The following LIMS4 variants were observed in gnomAD, a reference collection of about 807,000 sequenced individuals.
LIMS4 encodes LIM zinc finger domain containing 4, also known as LIM and senescent cell antigen-like-containing domain protein 4.
At chr2:110,360,727 G>C in the LIMS4 span, 1 of 1,604,588 alleles carries the variant, frequency 6.2e-7, no homozygotes, top group Non-Finnish European at 8.5e-7. Context: ...CTTTCTGTCT[G>C]ACATGGCGCC....
the LIMS4 span, among the ~76,000 whole-genome samples, chr2:110,368,450 A>G: frequency 6.7e-6 from 1 of 149,436 alleles, no homozygotes; most frequent in Non-Finnish European, 1.5e-5. Flanking sequence ...ATATATATAG[A>G]AATACATAAA....
At chr2:110,360,823 T>C in the LIMS4 span, 1 of 1,453,022 alleles carries the variant, frequency 6.9e-7, no homozygotes, top group Non-Finnish European at 9.5e-7. Flanking sequence ...TGGCTGAGGT[T>C]CCTTTAACTT....
the LIMS4 span, among the ~76,000 whole-genome samples, chr2:110,415,106 GA>G: frequency 3.2e-5 from 4 of 124,268 alleles, 1 homozygote; most frequent in East Asian, 8.9e-4. Flanking sequence ...TTAGTCTTAG[GA>G]GGGTGTATGC....
At chr2:110,391,514 A>T in the LIMS4 span, among the ~76,000 whole-genome samples, 1 of 76,298 alleles carries the variant, frequency 1.3e-5, no homozygotes, top group Admixed American at 1.6e-4. Flanking sequence ...GGGTTCAGAG[A>T]GAGGAAAGGA....
chr2:110,379,071 A>C, the LIMS4 span, among the ~76,000 whole-genome samples: 1 of 147,854 alleles, frequency 6.8e-6, no homozygotes, highest in Non-Finnish European at 1.5e-5. Flanking sequence ...CCATGGTGGA[A>C]GTAACACAAA....
the LIMS4 span, among the ~76,000 whole-genome samples, chr2:110,385,364 A>C: frequency 3.0e-5 from 4 of 132,822 alleles, no homozygotes; most frequent in African/African-American, 6.5e-5. Flanking sequence ...CCTTTCTCAC[A>C]CTCTCCCCTT....
the LIMS4 span, among the ~76,000 whole-genome samples, chr2:110,366,247 A>C: frequency 1.3e-5 from 2 of 151,728 alleles, no homozygotes; most frequent in East Asian, 1.9e-4. Context: ...CAAAGAAAAA[A>C]CTACAGGCCA....
chr2:110,386,603 G>A, the LIMS4 span: 6 of 638,450 alleles, frequency 9.4e-6, no homozygotes, highest in Admixed American at 1.2e-4. Context: ...TAGGTGTGGT[G>A]CTCCAGCGCA....
At chr2:110,361,957 A>T in the LIMS4 span, 1 of 1,369,944 alleles carries the variant, frequency 7.3e-7, no homozygotes. Flanking sequence ...AGTACACAAC[A>T]TTGCAACGTA....
At chr2:110,367,366 G>C in the LIMS4 span, among the ~76,000 whole-genome samples, 1 of 144,654 alleles carries the variant, frequency 6.9e-6, no homozygotes, top group African/African-American at 2.8e-5. Flanking sequence ...GCATGGTATT[G>C]GTACAAAAAC....
the LIMS4 span, among the ~76,000 whole-genome samples, chr2:110,365,283 A>C: frequency 6.6e-6 from 1 of 150,442 alleles, no homozygotes; most frequent in South Asian, 2.1e-4. Context: ...CCACACAATC[A>C]GACAAAAAAC....
the LIMS4 span, among the ~76,000 whole-genome samples, chr2:110,381,978 A>G: frequency 1.5e-5 from 1 of 64,772 alleles, no homozygotes; most frequent in Non-Finnish European, 2.6e-5. Flanking sequence ...GAGGCAGGAG[A>G]ATCACTTAAA....
chr2:110,359,488 G>A, the LIMS4 span, among the ~76,000 whole-genome samples: 5 of 22,896 alleles, frequency 2.2e-4, no homozygotes, highest in African/African-American at 5.2e-4. Flanking sequence ...AACTAATCCC[G>A]TGTGGCTCAG....
the LIMS4 span, among the ~76,000 whole-genome samples, chr2:110,371,279 A>C: frequency 8.1e-6 from 1 of 123,474 alleles, no homozygotes; most frequent in African/African-American, 3.9e-5. Context: ...CATAATGATG[A>C]TTTTCATCTG....
chr2:110,390,708 G>A, the LIMS4 span, among the ~76,000 whole-genome samples: 1 of 149,806 alleles, frequency 6.7e-6, no homozygotes, highest in Non-Finnish European at 1.5e-5. Context: ...GGGAGTGAGG[G>A]GCTCCAGATC....
chr2:110,390,539 G>GCCA, the LIMS4 span, among the ~76,000 whole-genome samples: 3 of 142,034 alleles, frequency 2.1e-5, no homozygotes, highest in Non-Finnish European at 3.0e-5. Context: ...GCAAGCTCTG[G>GCCA]CCACCAGGGG....
chr2:110,395,716 T>C, the LIMS4 span, among the ~76,000 whole-genome samples: 1 of 73,946 alleles, frequency 1.4e-5, no homozygotes, highest in Non-Finnish European at 2.5e-5. Context: ...GTCCATGCTG[T>C]CATGGGTGAT....
At chr2:110,361,970 C>T in the LIMS4 span, 6 of 1,249,222 alleles carry the variant, frequency 4.8e-6, no homozygotes, top group Non-Finnish European at 6.9e-6. Context: ...GCAACGTACA[C>T]ATCAAAAACC....
chr2:110,424,984 C>T, the LIMS4 span, among the ~76,000 whole-genome samples: 1 of 144,140 alleles, frequency 6.9e-6, no homozygotes, highest in Non-Finnish European at 1.5e-5. Context: ...CCCCAGCCGG[C>T]AGCGACAACT....
Sources: gnomAD v4.1 joint callset for allele counts (sites outside exome capture counted in the v4.1 genomes callset) on GRCh38, gnomAD v4.1.1 for gene constraint, MANE v1.5 for transcripts, NCBI Gene and HGNC (gene_info 2026-07-23, HGNC 2026-07-21) for gene names.